Variants in TRERF1 observed in about 807,000 individuals in gnomAD.
The protein encoded by TRERF1 is transcriptional-regulating factor 1.
Under a neutral mutation model 122.9 loss-of-function variants are expected in TRERF1, and 27 were observed. The observed-to-expected ratio is 0.22, with a 90% CI of 0.16 to 0.30. The LOEUF is 0.30. Ranked by LOEUF, TRERF1 falls within the 10% of genes least tolerant of loss-of-function variation. The pLI, the probability that TRERF1 is intolerant of heterozygous loss-of-function variation, is 1.00. For synonymous variants in TRERF1, 636 were observed against 641.7 expected (o/e 0.99, Z 0.13); for missense variants, 1,248 against 1,560.3 (o/e 0.80, Z 3.37).
chr6:42,359,605 T>C (rs1771306082), intron 3 of TRERF1, among the ~76,000 whole-genome samples: 4 of 152,136 alleles, frequency 2.6e-5, no homozygotes, highest in Admixed American at 2.6e-4. Flanking sequence ...GCGCCTGCAG[T>C]CCCTGCTACT....
At chr6:42,433,033 T>C (rs1784721900) in intron 2 of TRERF1, among the ~76,000 whole-genome samples, 1 of 152,044 alleles carries the variant, frequency 6.6e-6, no homozygotes, top group Non-Finnish European at 1.5e-5. Context: ...ATAATTATAA[T>C]AATAACATTT....
At chr6:42,315,906 G>A (rs1357446418) in intron 3 of TRERF1, among the ~76,000 whole-genome samples, 1 of 152,092 alleles carries the variant, frequency 6.6e-6, no homozygotes, top group Non-Finnish European at 1.5e-5. Flanking sequence ...TCTCCTTTCA[G>A]GGGAGAGGAC....
At chr6:42,250,659 TC>T in intron 13 of TRERF1, among the ~76,000 whole-genome samples, 2 of 151,804 alleles carry the variant, frequency 1.3e-5, no homozygotes, top group Non-Finnish European at 2.9e-5. Context: ...GGGTTGAGAG[TC>T]CCCCCACACT....
chr6:42,397,614 T>C (rs973747585), intron 2 of TRERF1, among the ~76,000 whole-genome samples: 2 of 152,158 alleles, frequency 1.3e-5, no homozygotes, highest in Non-Finnish European at 2.9e-5. Flanking sequence ...CCTCGTTGTT[T>C]GTCTTTTCAG....
At chr6:42,289,529 C>A (rs998575115) in intron 4 of TRERF1, among the ~76,000 whole-genome samples, 1 of 152,102 alleles carries the variant, frequency 6.6e-6, no homozygotes, top group Non-Finnish European at 1.5e-5. Context: ...AAAGAAAATT[C>A]TACACATTTT....
intron 2 of TRERF1, among the ~76,000 whole-genome samples, chr6:42,398,234 G>T (rs140423312): frequency 6.6e-6 from 1 of 152,228 alleles, no homozygotes; most frequent in East Asian, 1.9e-4. Context: ...CTCTCCTAAT[G>T]CCTTCCTTCT....
At chr6:42,280,509 C>T (rs533093034) in intron 4 of TRERF1, among the ~76,000 whole-genome samples, 1 of 152,200 alleles carries the variant, frequency 6.6e-6, no homozygotes, top group African/African-American at 2.4e-5. Flanking sequence ...AGTGAGTGCT[C>T]AGGAGGCACT....
intron 2 of TRERF1, among the ~76,000 whole-genome samples, chr6:42,401,576 C>A (rs1779394828): frequency 6.6e-6 from 1 of 152,172 alleles, no homozygotes; most frequent in African/African-American, 2.4e-5. Flanking sequence ...ATCCGCCCCA[C>A]CAGATTTCAA....
chr6:42,365,303 T>C (rs1219607033), intron 2 of TRERF1, among the ~76,000 whole-genome samples: 1 of 152,088 alleles, frequency 6.6e-6, no homozygotes, highest in Admixed American at 6.5e-5. Flanking sequence ...GAGGCCGTGG[T>C]TTCGTAGAGG....
intron 3 of TRERF1, among the ~76,000 whole-genome samples, chr6:42,323,417 T>C (rs1763779865): frequency 6.6e-6 from 1 of 152,060 alleles, no homozygotes; most frequent in Admixed American, 6.6e-5. Flanking sequence ...CAGGCTGGTC[T>C]CAAACTCCTG....
intron 2 of TRERF1, among the ~76,000 whole-genome samples, chr6:42,431,984 T>C (rs574280654): frequency 9.8e-5 from 15 of 152,324 alleles, no homozygotes; most frequent in Non-Finnish European, 1.5e-4. Flanking sequence ...ATGAGAACGA[T>C]GAGCTCATGG....
At chr6:42,272,419 G>A (rs1277828980) in intron 4 of TRERF1, among the ~76,000 whole-genome samples, 1 of 152,218 alleles carries the variant, frequency 6.6e-6, no homozygotes, top group Non-Finnish European at 1.5e-5. Context: ...TGAGAGTGCT[G>A]AGCTTCAGAA....
At chr6:42,252,081 TG>T (rs1643965073) in intron 13 of TRERF1, among the ~76,000 whole-genome samples, 1 of 152,232 alleles carries the variant, frequency 6.6e-6, no homozygotes, top group Non-Finnish European at 1.5e-5. Flanking sequence ...AACAGAGGGC[TG>T]GACTGTGCAT....
chr6:42,416,307 T>C (rs1208093618), intron 2 of TRERF1, among the ~76,000 whole-genome samples: 1 of 152,218 alleles, frequency 6.6e-6, no homozygotes, highest in Non-Finnish European at 1.5e-5. Flanking sequence ...TGGGAATGCA[T>C]CTAGCATTCA....
chr6:42,363,385 C>CA (rs1208344912), intron 2 of TRERF1, among the ~76,000 whole-genome samples: 2 of 152,210 alleles, frequency 1.3e-5, no homozygotes, highest in Admixed American at 1.3e-4. Context: ...ACGCCAGCTT[C>CA]AACGTAAAGT....
In TRERF1 at chr6:42,434,668, CCACACACACACACACA is replaced by C. The variant is rs3075920; in HGVS notation, c.-454+16493_-454+16508del. Among the ~76,000 whole-genome samples the C allele has an allele frequency of 3.8e-3, 440 of 115,016 alleles. 2 individuals are homozygous for C. Among genetic ancestry groups the C allele is most frequent in the African/African-American group, 0.012 (415 of 34,992 alleles). 75.5% of individuals were successfully genotyped at this position (115,016 alleles called of 152,430 possible). The stretch of plus-strand genomic sequence containing the variant: ...CTGGAACACCAGCAGACACCCTCCA[CCACACACACACACACA>C]CACACACACACACACACACACACAC... On this transcript the variant is annotated intron_variant, in intron 2 of 17. Transcript: ENST00000372922.
intron 3 of TRERF1, among the ~76,000 whole-genome samples, chr6:42,322,869 C>A (rs995848595): frequency 4.6e-5 from 7 of 152,020 alleles, no homozygotes; most frequent in Non-Finnish European, 8.8e-5. Context: ...CCTACTGGTG[C>A]CTCCTACTGG....
chr6:42,337,115 G>A (rs1347649707), intron 3 of TRERF1, among the ~76,000 whole-genome samples: 1 of 152,170 alleles, frequency 6.6e-6, no homozygotes, highest in Non-Finnish European at 1.5e-5. Context: ...TGAGCTCCTT[G>A]GTGGCAGTGG....
rs956547654 is a variant in TRERF1 at position 42,369,190 on chromosome 6, C to G, written c.-453-6111G>C. On this transcript the variant is annotated intron_variant, in intron 2 of 17. Coordinates refer to ENST00000372922, the Ensembl canonical transcript of TRERF1. ...GGAGGCCAGGCACGGTGGCTCACAT[C>G]TATGATCCTAGCACTTTGGGAGGCC... is the stretch of plus-strand genomic sequence containing the variant. 6.6e-5 allele frequency among the ~76,000 whole-genome samples: 10 copies of G among 152,276 alleles called. No homozygotes were observed. The South Asian group carries it at 2.1e-3, about 32-fold the overall frequency.
Sources: gnomAD v4.1 joint callset for allele counts (sites outside exome capture counted in the v4.1 genomes callset) on GRCh38, gnomAD v4.1.1 for gene constraint, MANE v1.5 for transcripts, NCBI Gene and HGNC (gene_info 2026-07-23, HGNC 2026-07-21) for gene names.